Variants in TEC observed in about 807,000 individuals in gnomAD.
TEC encodes the protein tec protein tyrosine kinase.
Under a neutral mutation model 93.0 loss-of-function variants are expected in TEC, and 72 were observed. The observed-to-expected ratio is 0.77, with a 90% CI of 0.64 to 0.94. TEC has a LOEUF of 0.94. Among genes scored for constraint, TEC ranks in the 40% least tolerant of loss-of-function variants. The probability of loss-of-function intolerance (pLI) is 0.00; values close to 1 mark genes in which losing one functional copy is unlikely to be tolerated. For missense variants in TEC, 630 were observed against 757.9 expected (o/e 0.83, Z 1.98); for synonymous variants, 249 against 247.7 (o/e 1.01, Z -0.05).
intron 14 of TEC, among the ~76,000 whole-genome samples, chr4:48,142,363 A>T (rs1719714489): frequency 6.6e-6 from 1 of 152,166 alleles, no homozygotes; most frequent in Non-Finnish European, 1.5e-5. Context: ...AGTACCAGCT[A>T]CCTAGGACTG....
At position 48,170,949 on chromosome 4, in the gene TEC, G is replaced by T. The variant is rs1028622786; in HGVS notation, c.325+419C>A. 2.1e-4 allele frequency among the ~76,000 whole-genome samples: 32 copies of T among 152,214 alleles called. No homozygotes were observed. The Middle Eastern group carries it at 0.014, about 65-fold the overall frequency. On this transcript the variant is annotated intron_variant, in intron 4 of 17. Coordinates refer to ENST00000381501, the MANE Select transcript of TEC (RefSeq NM_003215.3). ...GCCTGTAATCCTAGCTACTTAGGAG[G>T]CTGAGGCAGGAGAATCGCTTGAACC... is the stretch of plus-strand genomic sequence containing the variant.
In TEC at chr4:48,161,393, C is replaced by T. The variant is rs1052951438; in HGVS notation, c.737+2309G>A. Reference sequence around the variant, plus strand: ...AACATCCTGTTATTAACCATCACAACGAATCTGCTTTCTTTTCCAGCACTG... The same window carrying T: ...AACATCCTGTTATTAACCATCACAATGAATCTGCTTTCTTTTCCAGCACTG... On this transcript the variant is annotated intron_variant, in intron 8 of 17. Transcript: ENST00000381501. 3.3e-5 allele frequency among the ~76,000 whole-genome samples: 5 copies of T among 152,026 alleles called. No individual in the cohort carries two copies. The South Asian group carries it at 8.3e-4, about 25-fold the overall frequency.
At chr4:48,249,877 T>C (rs1724156823) in intron 1 of TEC, among the ~76,000 whole-genome samples, 2 of 152,198 alleles carry the variant, frequency 1.3e-5, no homozygotes, top group African/African-American at 2.4e-5. Context: ...ACTAGTGAAA[T>C]AGAAAAGCAC....
At chr4:48,236,232 C>T (rs191531361) in intron 1 of TEC, among the ~76,000 whole-genome samples, 1 of 152,092 alleles carries the variant, frequency 6.6e-6, no homozygotes, top group African/African-American at 2.4e-5. Flanking sequence ...AACAAAACTT[C>T]AGGATTCCAG....
chr4:48,262,321 C>T (rs13113745), intron 1 of TEC, among the ~76,000 whole-genome samples: 52,993 of 150,526 alleles, frequency 0.35, 11,096 homozygotes, highest in Non-Finnish European at 0.47. Flanking sequence ...CTCAGCCTCC[C>T]GAGTAGCTGG....
At chr4:48,179,338 GTATATATATATATATA>G (rs61241595) in intron 2 of TEC, among the ~76,000 whole-genome samples, 1,769 of 51,612 alleles carry the variant, frequency 0.034, 63 homozygotes, top group South Asian at 0.08. Flanking sequence ...GACGTGGGTA[GTATATATATATATATA>G]TATATATATA....
chr4:48,145,343 A>G, intron 13 of TEC, 48 bp from the exon 14 acceptor site: 1 of 1,611,272 alleles, frequency 6.2e-7, no homozygotes, highest in East Asian at 2.2e-5. Context: ...AGAAACTACC[A>G]AGTTTTTGGT....
In TEC at chr4:48,145,246, G is replaced by T; in HGVS notation, c.1303C>A (p.Gln435Lys). 1 of 1,614,136 alleles carries T rather than the reference G, an allele frequency of 6.2e-7. No homozygotes were observed. Among genetic ancestry groups the T allele is most frequent in the Non-Finnish European group, 8.5e-7 (1 of 1,180,020 alleles). The change falls in exon 14 of 18, where the codon CAG becomes AAG. Residue 435 changes from glutamine to lysine, a missense_variant. Gln to Lys is a moderately conservative substitution (Grantham distance 53, BLOSUM62 1). Coordinates refer to ENST00000381501, the MANE Select transcript of TEC (RefSeq NM_003215.3). The stretch of plus-strand genomic sequence containing the variant: ...TCAGTAACAATGTATATTGGTTTCT[G>T]CTGGGTGCACACACCATAAAGCTGC... ...LVQLYGVCTQ[Q>K]KPIYIVTEFM...
At chr4:48,161,068 C>T (rs1300966370) in intron 8 of TEC, among the ~76,000 whole-genome samples, 1 of 151,964 alleles carries the variant, frequency 6.6e-6, no homozygotes, top group Admixed American at 6.6e-5. Flanking sequence ...TAGCTAGTTA[C>T]CCCAAAATAG....
At position 48,176,144 on chromosome 4, in the gene TEC, A is replaced by C. The variant is rs1253211646; in HGVS notation, c.181T>G (p.Cys61Gly). ...KGFIDVSKIK[C>G]VEIVKNDDGV... ...TCATCATTCTTCACTATTTCCACAC[A>C]CTTGATTTTTGAAACATCAATAAAC... The change falls in exon 3 of 18, where the codon TGT (cysteine) becomes GGT (glycine). Residue 61 changes from cysteine (C) to glycine (G), a missense_variant. Cys to Gly is a radical substitution (Grantham distance 159). Transcript: ENST00000381501. 1.2e-6 allele frequency: 2 copies of C among 1,613,826 alleles called. No individual in the cohort carries two copies. The highest frequency in any genetic ancestry group is 2.2e-5 in the South Asian group (2 of 91,068).
At chr4:48,221,463 A>G (rs1419369574) in intron 2 of TEC, among the ~76,000 whole-genome samples, 1 of 152,164 alleles carries the variant, frequency 6.6e-6, no homozygotes, top group Non-Finnish European at 1.5e-5. Context: ...CCAGGATTGT[A>G]AGTTTCCTGA....
intron 2 of TEC, among the ~76,000 whole-genome samples, chr4:48,186,826 C>T (rs1721888395): frequency 6.7e-6 from 1 of 149,604 alleles, no homozygotes; most frequent in African/African-American, 2.5e-5. Flanking sequence ...GGGGCGCCTC[C>T]GCCCACCCAC....
intron 1 of TEC, among the ~76,000 whole-genome samples, chr4:48,236,279 CT>C (rs59024899): frequency 5.4e-5 from 8 of 148,834 alleles, no homozygotes; most frequent in South Asian, 2.1e-4. Context: ...TTACAAACAG[CT>C]TTTTTTTTTG....
intron 1 of TEC, among the ~76,000 whole-genome samples, chr4:48,243,834 G>A (rs1008887723): frequency 1.3e-5 from 2 of 152,116 alleles, no homozygotes; most frequent in African/African-American, 2.4e-5. Flanking sequence ...GGGATCTGGT[G>A]GGGGAATAGA....
chr4:48,178,766 A>T (rs780393803), intron 2 of TEC, among the ~76,000 whole-genome samples: 2 of 152,172 alleles, frequency 1.3e-5, no homozygotes, highest in Admixed American at 1.3e-4. Flanking sequence ...CTACAGACGC[A>T]TTCAGGGCTC....
At position 48,190,282 on chromosome 4, in the gene TEC, C is replaced by T. The variant is rs528498412; in HGVS notation, c.139-14096G>A. ...CCTAAAGTTTAAGCCTTCATGGAGC[C>T]AATTTCTAAAGAAACAGAAGCCCAC... On this transcript the variant is annotated intron_variant, in intron 2 of 17. Coordinates refer to ENST00000381501, the MANE Select transcript of TEC (RefSeq NM_003215.3). 1.9e-4 allele frequency among the ~76,000 whole-genome samples: 29 copies of T among 152,218 alleles called. 1 individual carries two copies. The highest frequency in any genetic ancestry group is 7.8e-4 in the Admixed American group (12 of 15,290).
chr4:48,268,785 T>C (rs1255368730), intron 1 of TEC, among the ~76,000 whole-genome samples: 1 of 152,192 alleles, frequency 6.6e-6, no homozygotes, highest in Non-Finnish European at 1.5e-5. Context: ...CTTATAACTA[T>C]TTTGGATAAT....
chr4:48,190,015 C>T (rs149213038), intron 2 of TEC, among the ~76,000 whole-genome samples: 2 of 152,208 alleles, frequency 1.3e-5, no homozygotes, highest in African/African-American at 4.8e-5. Flanking sequence ...GTTTAGCACT[C>T]GGAGCTAAGC....
Position 48,179,400 on chromosome 4 carries a change from T to C in TEC, c.139-3214A>G, listed in dbSNP as rs1454797934. Among the ~76,000 whole-genome samples, 7 of 118,406 alleles carry C rather than the reference T, an allele frequency of 5.9e-5. No individual in the cohort carries two copies. In the East Asian group the frequency reaches 7.5e-4, roughly 13 times the overall value. 77.7% of individuals were successfully genotyped at this position (118,406 alleles called of 152,430 possible). On this transcript the variant is annotated intron_variant, in intron 2 of 17. Coordinates refer to ENST00000381501, the MANE Select transcript of TEC (RefSeq NM_003215.3). Reference sequence around the variant, plus strand: ...TATTTTTTTTTTTTTTTTTTTTTTTTCAAGACAGAGTCTTGCTGTGTCACC... The same window carrying C: ...TATTTTTTTTTTTTTTTTTTTTTTTCCAAGACAGAGTCTTGCTGTGTCACC...
Sources: gnomAD v4.1 joint callset for allele counts (sites outside exome capture counted in the v4.1 genomes callset) on GRCh38, gnomAD v4.1.1 for gene constraint, MANE v1.5 for transcripts, NCBI Gene and HGNC (gene_info 2026-07-23, HGNC 2026-07-21) for gene names.